Variants in CHRM3 observed in about 807,000 individuals in gnomAD.
CHRM3 encodes muscarinic acetylcholine receptor M3.
In CHRM3, 11 loss-of-function variants were observed where a neutral mutation model predicts 41.8. The ratio of observed to expected loss-of-function variants is 0.26; its 90% CI spans 0.17 to 0.44. CHRM3 has a LOEUF of 0.44. CHRM3 is among the 20% of genes least tolerant of loss of function. The pLI is 1.00. For synonymous variants in CHRM3, 297 were observed against 301.4 expected (o/e 0.99, Z 0.15); for missense variants, 571 against 745.4 (o/e 0.77, Z 2.72).
intron 1 of CHRM3, among the ~76,000 whole-genome samples, chr1:239,482,959 C>G (rs1018515361): frequency 6.6e-6 from 1 of 152,174 alleles, no homozygotes; most frequent in South Asian, 2.1e-4. Flanking sequence ...TCTCCCTCCT[C>G]CTGCACTAGA....
chr1:239,672,623 C>CAT (rs1467680350), intron 4 of CHRM3, among the ~76,000 whole-genome samples: 2 of 151,606 alleles, frequency 1.3e-5, no homozygotes, highest in Non-Finnish European at 2.9e-5. Context: ...CACACACACA[C>CAT]ACACACAGAA....
At chr1:239,713,568 G>A (rs529740888) in intron 5 of CHRM3, among the ~76,000 whole-genome samples, 1 of 152,158 alleles carries the variant, frequency 6.6e-6, no homozygotes, top group Admixed American at 6.5e-5. Flanking sequence ...TCTACAATTT[G>A]CACAAACACC....
At chr1:239,404,454 G>GAA (rs1247114454) in intron 1 of CHRM3, among the ~76,000 whole-genome samples, 7 of 136,980 alleles carry the variant, frequency 5.1e-5, no homozygotes, top group African/African-American at 2.0e-4. Context: ...AAGAAAGAAA[G>GAA]AAAGAAAGAA....
intron 1 of CHRM3, among the ~76,000 whole-genome samples, chr1:239,459,239 A>G (rs1665183797): frequency 6.6e-6 from 1 of 152,070 alleles, no homozygotes; most frequent in South Asian, 2.1e-4. Flanking sequence ...TCAAGTACCT[A>G]TTTTCAAATA....
intron 3 of CHRM3, among the ~76,000 whole-genome samples, chr1:239,622,853 G>A (rs1396415409): frequency 6.6e-6 from 1 of 152,160 alleles, no homozygotes; most frequent in Non-Finnish European, 1.5e-5. Context: ...ACAAAATGCT[G>A]TCAAACAGCA....
chr1:239,755,896 C>T (rs1666201523), intron 5 of CHRM3, among the ~76,000 whole-genome samples: 1 of 152,128 alleles, frequency 6.6e-6, no homozygotes, highest in Admixed American at 6.5e-5. Flanking sequence ...CTTCATATTC[C>T]CCACAGCATC....
intron 1 of CHRM3, among the ~76,000 whole-genome samples, chr1:239,485,039 G>A (rs1217771621): frequency 2.0e-5 from 3 of 152,156 alleles, no homozygotes; most frequent in African/African-American, 7.2e-5. Context: ...AGATCTTGAA[G>A]TTAAGTTGAT....
At chr1:239,717,734 C>A (rs1254076204) in intron 5 of CHRM3, among the ~76,000 whole-genome samples, 1 of 151,984 alleles carries the variant, frequency 6.6e-6, no homozygotes, top group Non-Finnish European at 1.5e-5. Context: ...CAGCCACACA[C>A]AACAAAGAAC....
chr1:239,849,009 C>G (rs1004545648), intron 6 of CHRM3, among the ~76,000 whole-genome samples: 5 of 152,162 alleles, frequency 3.3e-5, no homozygotes, highest in Non-Finnish European at 7.4e-5. Flanking sequence ...ACCTTGCAAT[C>G]TTTGAGTGTT....
chr1:239,881,242 C>G (rs1293557948), intron 6 of CHRM3, among the ~76,000 whole-genome samples: 2 of 131,988 alleles, frequency 1.5e-5, no homozygotes, highest in South Asian at 2.5e-4. Context: ...GAGATCCCGC[C>G]CCTGCACTCC....
At chr1:239,646,568 C>G (rs1041329445) in intron 4 of CHRM3, among the ~76,000 whole-genome samples, 4 of 152,068 alleles carry the variant, frequency 2.6e-5, no homozygotes, top group Non-Finnish European at 5.9e-5. Flanking sequence ...TAGAGATACC[C>G]TTCTATAAGA....
At chr1:239,850,383 C>G (rs1445920097) in intron 6 of CHRM3, among the ~76,000 whole-genome samples, 1 of 152,084 alleles carries the variant, frequency 6.6e-6, no homozygotes, top group Non-Finnish European at 1.5e-5. Context: ...TCAGGGATAA[C>G]AGAGGTGTCT....
intron 5 of CHRM3, among the ~76,000 whole-genome samples, chr1:239,760,592 C>CT (rs1175863439): frequency 7.2e-5 from 11 of 152,012 alleles, no homozygotes; most frequent in South Asian, 2.1e-4. Context: ...CTCCTCTTCT[C>CT]TTTTTTTTAC....
At chr1:239,449,367 C>T (rs943077188) in intron 1 of CHRM3, among the ~76,000 whole-genome samples, 3 of 151,890 alleles carry the variant, frequency 2.0e-5, no homozygotes, top group African/African-American at 2.4e-5. Context: ...CTGATCATTT[C>T]GAAAAAGAAC....
At chr1:239,849,614 A>T (rs1008726302) in intron 6 of CHRM3, among the ~76,000 whole-genome samples, 1 of 152,208 alleles carries the variant, frequency 6.6e-6, no homozygotes, top group Non-Finnish European at 1.5e-5. Flanking sequence ...CACTTTTCTC[A>T]TAGTCTAAGC....
At position 239,908,019 on chromosome 1, in the gene CHRM3, G is replaced by T; in HGVS notation, c.568G>T (p.Gly190Cys). Residue 190 changes from glycine (G) to cysteine (C), a missense_variant, in exon 7 of 7, where the codon GGT (glycine) becomes TGT (cysteine). Transcript: ENST00000676153. The surrounding 1 kb of genome is among the most constrained non-coding windows in gnomAD (Gnocchi z 7.2). The stretch of plus-strand genomic sequence containing the variant: ...AACAAAGAGAGCCGGTGTGATGATC[G>T]GTCTGGCTTGGGTCATCTCCTTTGT... ...RTTKRAGVMI[G>C]LAWVISFVLW... 1.2e-6 allele frequency: 2 copies of T among 1,614,120 alleles called. No homozygotes were observed. Among genetic ancestry groups the T allele is most frequent in the Non-Finnish European group, 8.5e-7 (1 of 1,180,026 alleles).
chr1:239,537,156 C>T (rs1183520756), intron 2 of CHRM3, among the ~76,000 whole-genome samples: 5 of 152,134 alleles, frequency 3.3e-5, no homozygotes, highest in Non-Finnish European at 7.3e-5. Context: ...GGACGAGTGT[C>T]AATTGTTCTT....
At chr1:239,807,920 G>T (rs2148961963) in intron 5 of CHRM3, among the ~76,000 whole-genome samples, 1 of 151,996 alleles carries the variant, frequency 6.6e-6, no homozygotes, top group African/African-American at 2.4e-5. Context: ...CTGCTTGGTG[G>T]CTGCATCATA....
In CHRM3 at chr1:239,449,753, T is replaced by TGTGTGTGCGC. The variant is rs58076099; in HGVS notation, c.-520-42955_-520-42954insTGTGTGCGCG. Among the ~76,000 whole-genome samples the TGTGTGTGCGC allele has an allele frequency of 2.0e-4, 31 of 151,694 alleles. No homozygotes were observed. In the East Asian group the frequency reaches 4.4e-3, roughly 22 times the overall value. On this transcript the variant is annotated intron_variant, in intron 1 of 6. Coordinates refer to ENST00000676153, the MANE Select transcript of CHRM3 (RefSeq NM_001375978.1). ...ATTCTGGTGTGTGTGTGTGTGTGTG[T>TGTGTGTGCGC]GCGTGTGTGTGTATGCATGTTGTGG... is the stretch of plus-strand genomic sequence containing the variant.
Sources: gnomAD v4.1 joint callset for allele counts (sites outside exome capture counted in the v4.1 genomes callset) on GRCh38, gnomAD v4.1.1 for gene constraint, Gnocchi (gnomAD v3.1) non-coding constraint, MANE v1.5 for transcripts, NCBI Gene and HGNC (gene_info 2026-07-23, HGNC 2026-07-21) for gene names.